KANK1: variants seen among roughly 807,000 people sequenced by gnomAD.
KANK1 encodes KN motif and ankyrin repeat domains 1, also known as KN motif and ankyrin repeat domain-containing protein 1.
A neutral mutation model predicts 106.2 loss-of-function variants in KANK1; 109 were observed. The observed-to-expected ratio is 1.03, with a 90% CI of 0.88 to 1.20. The LOEUF is 1.20. Among genes scored for constraint, KANK1 ranks in the 50% most tolerant of loss-of-function variants. The pLI, the probability that KANK1 is intolerant of heterozygous loss-of-function variation, is 0.00. For synonymous variants in KANK1, 873 were observed against 652.2 expected (o/e 1.34, Z -5.16); for missense variants, 2,399 against 1,710.7 (o/e 1.40, Z -7.10).
intron 1 of KANK1, among the ~76,000 whole-genome samples, chr9:631,650 C>G (rs544038339): frequency 3.4e-4 from 52 of 152,336 alleles, no homozygotes; most frequent in South Asian, 1.4e-3. Flanking sequence ...GCTCAGGTGT[C>G]TTTCAGTGAC....
At position 740,856 on chromosome 9, in the gene KANK1, C is replaced by T. The variant is rs367704087; in HGVS notation, c.3618C>T (p.Ala1206=). 3.3e-4 allele frequency: 537 copies of T among 1,614,124 alleles called. 6 individuals are homozygous for T. In the South Asian group the frequency reaches 4.9e-3, roughly 15 times the overall value. The part of the protein sequence containing the change: ...GYTPIMLAAL[A]AVEAEKDMRI... ...CCCCCATCATGTTGGCGGCCCTCGCCGCTGTGGAAGCAGAGAAGGACATGC... is the reference window on the plus strand; with the variant it reads ...CCCCCATCATGTTGGCGGCCCTCGCTGCTGTGGAAGCAGAGAAGGACATGC... The change falls in exon 9 of 12, where the codon GCC becomes GCT. Residue 1206 remains alanine, a synonymous_variant. Transcript: ENST00000382297.
chr9:745,216 A>T lies in KANK1; in HGVS notation c.4040A>T (p.His1347Leu), dbSNP rs745695115. 2 of 1,613,842 alleles carry T rather than the reference A, an allele frequency of 1.2e-6. No homozygotes were observed. The highest frequency in any genetic ancestry group is 1.7e-5 in the Admixed American group (1 of 59,974). ...LGRKTSPGPT[H>L]RGSFD ...AGGAAGACGTCTCCTGGCCCCACCC[A>T]CCGAGGTTCATTTGATTGATTGTAT... Residue 1347 changes from histidine (H) to leucine (L), a missense_variant, in exon 12 of 12, where the codon CAC becomes CTC. Transcript: ENST00000382297.
At chr9:607,434 A>C (rs994631309) in intron 1 of KANK1, among the ~76,000 whole-genome samples, 1 of 149,930 alleles carries the variant, frequency 6.7e-6, no homozygotes, top group African/African-American at 2.5e-5. Flanking sequence ...GCAGTGAGCC[A>C]AGATCGTGCC....
At chr9:614,253 G>A (rs532982269) in intron 1 of KANK1, among the ~76,000 whole-genome samples, 1 of 152,200 alleles carries the variant, frequency 6.6e-6, no homozygotes, top group East Asian at 1.9e-4. Flanking sequence ...ATAATTTTTC[G>A]ACCCTCAGTG....
At chr9:581,182 G>T (rs1448345246) in intron 1 of KANK1, among the ~76,000 whole-genome samples, 1 of 152,190 alleles carries the variant, frequency 6.6e-6, no homozygotes, top group Non-Finnish European at 1.5e-5. Flanking sequence ...CAAGCAGAGG[G>T]AGCCGGCTCC....
intron 1 of KANK1, among the ~76,000 whole-genome samples, chr9:615,132 C>G (rs576162033): frequency 6.6e-6 from 1 of 152,162 alleles, no homozygotes; most frequent in Admixed American, 6.5e-5. Context: ...AGAGGGTCTC[C>G]CTGTGTTGCC....
chr9:654,493 G>C (rs1230758184), intron 1 of KANK1, among the ~76,000 whole-genome samples: 1 of 152,042 alleles, frequency 6.6e-6, no homozygotes, highest in Non-Finnish European at 1.5e-5. Flanking sequence ...AGTGTCACTT[G>C]TTTGCAAACC....
chr9:684,571 C>A (rs191923906), intron 2 of KANK1: 1 of 985,272 alleles, frequency 1.0e-6, no homozygotes, highest in African/African-American at 1.7e-5. Flanking sequence ...GCAGACTTCT[C>A]GTTGTGAGTA....
chr9:562,313 A>G (rs1398258097), intron 1 of KANK1, among the ~76,000 whole-genome samples: 4 of 151,862 alleles, frequency 2.6e-5, no homozygotes, highest in Non-Finnish European at 2.9e-5. Context: ...CGGCCTCCCA[A>G]AGTGCTGGGA....
intron 3 of KANK1, among the ~76,000 whole-genome samples, chr9:725,450 G>A (rs1020017266): frequency 2.1e-5 from 3 of 142,574 alleles, no homozygotes; most frequent in Non-Finnish European, 3.0e-5. Flanking sequence ...CTGAGATCAC[G>A]CCACAGCCCT....
chr9:704,317 A>G (rs1823450772), intron 2 of KANK1, among the ~76,000 whole-genome samples: 1 of 152,202 alleles, frequency 6.6e-6, no homozygotes. Context: ...TTGAGGCCCA[A>G]GTTCCTTCTA....
chr9:518,444 C>CTA (rs909446900), intron 1 of KANK1, among the ~76,000 whole-genome samples: 28 of 151,600 alleles, frequency 1.8e-4, no homozygotes, highest in Non-Finnish European at 2.2e-4. Flanking sequence ...GGCTTTTTAC[C>CTA]TATACTTTTC....
At chr9:528,935 G>C (rs1425459221) in intron 1 of KANK1, among the ~76,000 whole-genome samples, 1 of 152,008 alleles carries the variant, frequency 6.6e-6, no homozygotes, top group Non-Finnish European at 1.5e-5. Context: ...GAGTAGCTGG[G>C]ACTACAGGTG....
At chr9:511,901 C>G (rs1304908944) in intron 1 of KANK1, among the ~76,000 whole-genome samples, 2 of 152,024 alleles carry the variant, frequency 1.3e-5, no homozygotes, top group African/African-American at 4.8e-5. Context: ...TTCTGTGGGT[C>G]AGGGATTCAG....
chr9:490,631 T>A (rs552048775), intron 3 of KANK1, among the ~76,000 whole-genome samples: 33 of 152,344 alleles, frequency 2.2e-4, no homozygotes, highest in Non-Finnish European at 3.7e-4. Flanking sequence ...TTATCAAATT[T>A]AAAAAGAGAT....
chr9:636,297 G>C (rs111599004), intron 1 of KANK1, among the ~76,000 whole-genome samples: 127 of 152,260 alleles, frequency 8.3e-4, no homozygotes, highest in African/African-American at 2.9e-3. Context: ...ACTTTTCAGA[G>C]CTCTTATCCA....
intron 1 of KANK1, among the ~76,000 whole-genome samples, chr9:586,222 A>G (rs182877138): frequency 8.7e-4 from 132 of 152,310 alleles, no homozygotes; most frequent in African/African-American, 3.1e-3. Flanking sequence ...ATGCCCAGTG[A>G]CATCTGACTT....
intron 10 of KANK1, among the ~76,000 whole-genome samples, chr9:743,534 C>T (rs1589375817): frequency 1.3e-5 from 2 of 152,176 alleles, no homozygotes; most frequent in East Asian, 3.9e-4. Context: ...AGAACTGTGT[C>T]CTGCTGCTGC....
intron 1 of KANK1, among the ~76,000 whole-genome samples, chr9:530,223 A>G (rs1023774450): frequency 6.6e-6 from 1 of 152,124 alleles, no homozygotes; most frequent in African/African-American, 2.4e-5. Flanking sequence ...ACATTTTTCC[A>G]TGTTGGTGAA....
Sources: allele counts gnomAD v4.1 joint callset (sites outside exome capture counted in the v4.1 genomes callset), GRCh38; gene constraint gnomAD v4.1.1; transcripts MANE v1.5; gene names NCBI Gene and HGNC (gene_info 2026-07-23, HGNC 2026-07-21).